Variants in NDRG3 observed in about 807,000 individuals in gnomAD.
NDRG3 encodes the protein protein NDRG3.
NDRG3 carries 23 observed loss-of-function variants against 57.2 expected under a neutral mutation model. The observed-to-expected ratio is 0.40, with a 90% CI of 0.29 to 0.57. The LOEUF (loss-of-function observed/expected upper bound fraction) is 0.57. NDRG3 is among the 20% of genes least tolerant of loss of function. NDRG3 has a pLI of 0.42. For synonymous variants in NDRG3, 132 were observed against 162.6 expected (o/e 0.81, Z 1.43); for missense variants, 384 against 457.3 (o/e 0.84, Z 1.46).
intron 1 of NDRG3, among the ~76,000 whole-genome samples, chr20:36,745,250 G>A (rs1600989560): frequency 6.6e-6 from 1 of 152,152 alleles, no homozygotes; most frequent in South Asian, 2.1e-4. Context: ...AAGAACGTTA[G>A]CTCTTATATT....
intron 12 of NDRG3, among the ~76,000 whole-genome samples, chr20:36,662,392 A>G (rs1979285048): frequency 6.6e-6 from 1 of 151,756 alleles, no homozygotes; most frequent in Admixed American, 6.6e-5. Context: ...TCGTTTTTGT[A>G]TTTTTAGTAG....
chr20:36,667,429 C>T (rs1979728995), intron 9 of NDRG3, among the ~76,000 whole-genome samples: 1 of 152,118 alleles, frequency 6.6e-6, no homozygotes, highest in Non-Finnish European at 1.5e-5. Context: ...GCACACTCAA[C>T]TGTGCCTGGC....
chr20:36,678,798 C>T (rs945146994), intron 8 of NDRG3, among the ~76,000 whole-genome samples: 1 of 152,200 alleles, frequency 6.6e-6, no homozygotes, highest in Non-Finnish European at 1.5e-5. Context: ...AACATAAAAA[C>T]AAACTAATAT....
At chr20:36,703,991 G>A (rs1045443888) in intron 3 of NDRG3, among the ~76,000 whole-genome samples, 12 of 151,984 alleles carry the variant, frequency 7.9e-5, no homozygotes, top group African/African-American at 2.9e-4. Flanking sequence ...TGAAATAGCA[G>A]GTGATTTTTA....
chr20:36,677,083 C>T (rs1243808859), intron 8 of NDRG3, among the ~76,000 whole-genome samples: 1 of 152,228 alleles, frequency 6.6e-6, no homozygotes, highest in East Asian at 1.9e-4. Context: ...CAGACCTGGG[C>T]CTCTGGCTCC....
intron 3 of NDRG3, among the ~76,000 whole-genome samples, chr20:36,705,636 T>C (rs1600930234): frequency 6.6e-6 from 1 of 152,186 alleles, no homozygotes; most frequent in East Asian, 1.9e-4. Context: ...TTCATGTCAC[T>C]TCTGTTACTG....
chr20:36,739,843 G>C (rs1985832443), intron 1 of NDRG3, among the ~76,000 whole-genome samples: 1 of 148,996 alleles, frequency 6.7e-6, no homozygotes, highest in African/African-American at 2.5e-5. Context: ...CTGGTAGGCG[G>C]AGCTTGCAGT....
intron 8 of NDRG3, among the ~76,000 whole-genome samples, chr20:36,674,202 C>T (rs1357622617): frequency 6.6e-6 from 1 of 151,906 alleles, no homozygotes; most frequent in African/African-American, 2.4e-5. Context: ...CTCTTTAAAT[C>T]TTTTTTTTCT....
At chr20:36,714,622 T>G (rs1984119658) in intron 2 of NDRG3, among the ~76,000 whole-genome samples, 1 of 150,254 alleles carries the variant, frequency 6.7e-6, no homozygotes, top group African/African-American at 2.4e-5. Context: ...TTTTGTTTGT[T>G]TGTTTTTTTG....
chr20:36,745,932 C>G (rs1452346614), intron 1 of NDRG3, 113 bp downstream of exon 1: 2 of 264,976 alleles, frequency 7.5e-6, no homozygotes, highest in African/African-American at 2.3e-5. Context: ...CACGGGCCAC[C>G]AGGGCCTCGC....
chr20:36,700,629 A>C, intron 3 of NDRG3: 1 of 367,762 alleles, frequency 2.7e-6, no homozygotes, highest in South Asian at 2.2e-5. Flanking sequence ...CTCTCTATCC[A>C]GTTATCTCAT....
At chr20:36,733,531 T>C (rs1338162382) in intron 1 of NDRG3, among the ~76,000 whole-genome samples, 1 of 151,676 alleles carries the variant, frequency 6.6e-6, no homozygotes, top group Non-Finnish European at 1.5e-5. Context: ...GAGACCATCC[T>C]GGCCAACATG....
At chr20:36,738,859 C>A (rs901395809) in intron 1 of NDRG3, among the ~76,000 whole-genome samples, 3 of 149,020 alleles carry the variant, frequency 2.0e-5, no homozygotes, top group Non-Finnish European at 3.0e-5. Context: ...CAGAGTGGCT[C>A]ATGCCTGTAA....
chr20:36,695,924 G>A (rs1359456134), intron 3 of NDRG3, among the ~76,000 whole-genome samples: 1 of 152,094 alleles, frequency 6.6e-6, no homozygotes, highest in African/African-American at 2.4e-5. Context: ...ACGGCTCAGG[G>A]GGCATCATGG....
intron 5 of NDRG3, 141 bp from the exon 6 acceptor site, chr20:36,684,616 G>A (rs143923265): frequency 5.1e-5 from 35 of 681,764 alleles, no homozygotes; most frequent in Admixed American, 2.1e-4. Context: ...TTGGGACACC[G>A]AGGTGGGCAG....
At chr20:36,725,068 G>T (rs1365961145) in intron 1 of NDRG3, among the ~76,000 whole-genome samples, 2 of 152,084 alleles carry the variant, frequency 1.3e-5, no homozygotes, top group South Asian at 4.1e-4. Context: ...GGCCGAGGCA[G>T]GTGGATCATT....
chr20:36,656,536 GA>G lies in NDRG3; in HGVS notation c.859-5del. 1 of 1,614,004 alleles carries G rather than the reference GA, an allele frequency of 6.2e-7. No individual in the cohort carries two copies. The highest frequency in any genetic ancestry group is 8.5e-7 in the Non-Finnish European group (1 of 1,179,888). The stretch of plus-strand genomic sequence containing the variant: ...GCAGTCCCCCACAGTCCGCCATCTA[GA>G]AAAGGAAAAATATGCAAGTCAGCTG... On this transcript the variant is annotated splice_polypyrimidine_tract_variant and splice_region_variant and intron_variant, in intron 13 of 15. Coordinates refer to ENST00000349004, the MANE Select transcript of NDRG3 (RefSeq NM_032013.4).
chr20:36,720,283 C>A (rs1435565747), intron 2 of NDRG3, among the ~76,000 whole-genome samples: 1 of 151,808 alleles, frequency 6.6e-6, no homozygotes, highest in Non-Finnish European at 1.5e-5. Flanking sequence ...AGTGATTCTC[C>A]TGCCTCAGCC....
intron 2 of NDRG3, among the ~76,000 whole-genome samples, chr20:36,708,810 G>A (rs886757454): frequency 1.3e-5 from 2 of 151,966 alleles, no homozygotes; most frequent in African/African-American, 4.8e-5. Context: ...AGGCCAAGGC[G>A]GGCGGATCAC....
Sources: allele counts gnomAD v4.1 joint callset (sites outside exome capture counted in the v4.1 genomes callset), GRCh38; gene constraint gnomAD v4.1.1; transcripts MANE v1.5; gene names NCBI Gene and HGNC (gene_info 2026-07-23, HGNC 2026-07-21).